RPN2: variants seen among roughly 807,000 people sequenced by gnomAD.
RPN2 encodes ribophorin II, also known as dolichyl-diphosphooligosaccharide--protein glycosyltransferase subunit 2.
A neutral mutation model predicts 71.4 loss-of-function variants in RPN2; 29 were observed. The ratio of observed to expected loss-of-function variants is 0.41; its 90% CI spans 0.30 to 0.55. RPN2 has a LOEUF of 0.55. Among genes scored for constraint, RPN2 ranks in the 20% least tolerant of loss-of-function variants. The pLI is 0.35. For synonymous variants in RPN2, 308 were observed against 305.0 expected (o/e 1.01, Z -0.10); for missense variants, 726 against 774.1 (o/e 0.94, Z 0.74).
intron 11 of RPN2, among the ~76,000 whole-genome samples, chr20:37,228,117 A>G (rs2068125067): frequency 6.6e-6 from 1 of 152,152 alleles, no homozygotes; most frequent in Non-Finnish European, 1.5e-5. Flanking sequence ...TCCTCTACTA[A>G]ATCTTTAGCT....
At chr20:37,229,786 A>G (rs2068187759) in intron 12 of RPN2, 187 bp from the exon 13 acceptor site, 1 of 640,652 alleles carries the variant, frequency 1.6e-6, no homozygotes, top group African/African-American at 1.8e-5. Flanking sequence ...AAGCATTTTC[A>G]GCAAATACTT....
Position 37,204,793 on chromosome 20 carries a change from C to T in RPN2, c.582C>T (p.Leu194=), listed in dbSNP as rs368565035. ...ACCTTGTTGCTCGCCTGGATGAACT[C>T]GGGGGCGTGTATCTCCAGTTTGAAG... The part of the protein sequence containing the change: ...IEDLVARLDE[L]GGVYLQFEEG... The change falls in exon 6 of 17, where the codon CTC becomes CTT. Residue 194 remains leucine, a synonymous_variant. Transcript: ENST00000237530. 1.5e-5 allele frequency: 24 copies of T among 1,614,066 alleles called. No homozygotes were observed. The highest frequency in any genetic ancestry group is 4.5e-5 in the East Asian group (2 of 44,878).
Position 37,206,200 on chromosome 20 carries a change from C to G in RPN2, c.691-1073C>G, listed in dbSNP as rs540342821. Among the ~76,000 whole-genome samples the G allele has an allele frequency of 1.8e-4, 28 of 152,138 alleles. 1 individual carries two copies. Among genetic ancestry groups the G allele is most frequent in the Non-Finnish European group, 1.5e-5 (1 of 68,010 alleles). On this transcript the variant is annotated intron_variant, in intron 6 of 16. Transcript: ENST00000237530. ...AATTTTAATAATGCCTTTTAGGTTC[C>G]ACTTTTTTAAAAAATTGCTTTTAGT...
chr20:37,235,543 C>T (rs1342173880), intron 15 of RPN2, among the ~76,000 whole-genome samples: 3 of 152,202 alleles, frequency 2.0e-5, no homozygotes, highest in African/African-American at 7.2e-5. Context: ...CTTCCTGAGT[C>T]CTCCTTGCTC....
chr20:37,210,723 G>A (rs900990525), intron 8 of RPN2, among the ~76,000 whole-genome samples: 1 of 151,978 alleles, frequency 6.6e-6, no homozygotes, highest in African/African-American at 2.4e-5. Flanking sequence ...GTAGAGACAG[G>A]GTTTCCCCAT....
intron 15 of RPN2, among the ~76,000 whole-genome samples, chr20:37,234,868 A>G (rs1220545981): frequency 1.3e-5 from 2 of 151,738 alleles, no homozygotes; most frequent in African/African-American, 4.8e-5. Context: ...TTTTGTAGAG[A>G]CGGGGTCTTG....
intron 9 of RPN2, among the ~76,000 whole-genome samples, chr20:37,222,323 A>G (rs575080028): frequency 6.6e-6 from 1 of 152,186 alleles, no homozygotes; most frequent in African/African-American, 2.4e-5. Context: ...TAGTTCTGCT[A>G]TGAATTCATA....
chr20:37,236,498 C>T, intron 15 of RPN2, 82 bp from the exon 16 acceptor site: 2 of 1,439,892 alleles, frequency 1.4e-6, no homozygotes, highest in Non-Finnish European at 1.9e-6. Flanking sequence ...CATGATCCAA[C>T]AGTTGCTATG....
intron 16 of RPN2, chr20:37,238,715 C>T (rs2068471373): frequency 4.2e-6 from 3 of 709,880 alleles, no homozygotes; most frequent in Non-Finnish European, 7.8e-6. Flanking sequence ...AGACTTCATT[C>T]TCCCTTATAT....
chr20:37,230,083 C>G (rs780173322), intron 13 of RPN2, 24 bp downstream of exon 13: 7 of 1,571,078 alleles, frequency 4.5e-6, no homozygotes, highest in Non-Finnish European at 6.1e-6. Flanking sequence ...GGCCTATCCA[C>G]TAAACGTGGG....
intron 9 of RPN2, among the ~76,000 whole-genome samples, chr20:37,222,275 A>G (rs2067978083): frequency 6.6e-6 from 1 of 152,202 alleles, no homozygotes; most frequent in South Asian, 2.1e-4. Context: ...AATTTCACCC[A>G]GTTGCCTAGA....
chr20:37,202,335 C>T (rs1441181003), intron 4 of RPN2, among the ~76,000 whole-genome samples: 8 of 152,258 alleles, frequency 5.3e-5, no homozygotes, highest in Admixed American at 2.6e-4. Flanking sequence ...CTGTAAATTG[C>T]GACTCTGCTG....
chr20:37,190,705 T>A (rs1366808378), intron 2 of RPN2, among the ~76,000 whole-genome samples: 6 of 152,214 alleles, frequency 3.9e-5, no homozygotes, highest in Admixed American at 3.3e-4. Context: ...ATATTTGAAC[T>A]GTAGACTTTA....
chr20:37,190,495 GATA>G lies in RPN2; in HGVS notation c.207+6129_207+6131del, dbSNP rs534413275. Among the ~76,000 whole-genome samples, 505 of 152,326 alleles carry G rather than the reference GATA, an allele frequency of 3.3e-3. 2 individuals are homozygous for G. Among genetic ancestry groups the G allele is most frequent in the African/African-American group, 0.012 (482 of 41,578 alleles). ...GTTGTTCTGTCATCGGTAAGATGGA[GATA>G]ATAATACTCAGCTCACAGATAATGT... On this transcript the variant is annotated intron_variant, in intron 2 of 16. Coordinates refer to ENST00000237530, the MANE Select transcript of RPN2 (RefSeq NM_002951.5).
At chr20:37,236,734 T>G in intron 16 of RPN2, 25 bp downstream of exon 16, 1 of 1,612,334 alleles carries the variant, frequency 6.2e-7, no homozygotes, top group South Asian at 1.1e-5. Context: ...GAGCCAGGGA[T>G]CTAGAGTAGG....
At chr20:37,207,185 C>A in intron 6 of RPN2, 88 bp from the exon 7 acceptor site, 3 of 1,066,466 alleles carry the variant, frequency 2.8e-6, no homozygotes, top group Non-Finnish European at 4.4e-6. Flanking sequence ...ACACCCGAAA[C>A]AGATAAGGGT....
In RPN2 at chr20:37,185,702, A is replaced by C. The variant is rs574453667; in HGVS notation, c.207+1329A>C. Among the ~76,000 whole-genome samples the C allele has an allele frequency of 2.6e-5, 4 of 152,234 alleles. No individual in the cohort carries two copies. In the East Asian group the frequency reaches 7.7e-4, roughly 29 times the overall value. ...CTATTCACAGGCATGATTATAGCAC[A>C]CTATAACCTCGAACTCCTGGGCTCA... On this transcript the variant is annotated intron_variant, in intron 2 of 16. Coordinates refer to ENST00000237530, the MANE Select transcript of RPN2 (RefSeq NM_002951.5).
At chr20:37,209,913 G>A (rs1279756621) in intron 7 of RPN2, 134 bp from the exon 8 acceptor site, 5 of 1,488,976 alleles carry the variant, frequency 3.4e-6, no homozygotes, top group Non-Finnish European at 4.5e-6. Context: ...CAGGCCCAAG[G>A]TCAGCCAAGA....
intron 16 of RPN2, among the ~76,000 whole-genome samples, chr20:37,240,798 C>T (rs994259020): frequency 6.6e-6 from 1 of 152,196 alleles, no homozygotes; most frequent in African/African-American, 2.4e-5. Context: ...CTGAGTGTGA[C>T]TTGGCAAGAA....
Sources: gnomAD v4.1 joint callset for allele counts (sites outside exome capture counted in the v4.1 genomes callset) on GRCh38, gnomAD v4.1.1 for gene constraint, MANE v1.5 for transcripts, NCBI Gene and HGNC (gene_info 2026-07-23, HGNC 2026-07-21) for gene names.